FHOD3: variants seen among roughly 807,000 people sequenced by gnomAD.
FHOD3 encodes formin homology 2 domain containing 3.
In FHOD3, 90 loss-of-function variants were observed where a neutral mutation model predicts 173.0. That is an observed-to-expected ratio of 0.52 (90% CI 0.44 to 0.62). FHOD3 has a LOEUF of 0.62. FHOD3 is among the 20% of genes least tolerant of loss of function. The probability of loss-of-function intolerance (pLI) is 0.00; values close to 1 mark genes in which losing one functional copy is unlikely to be tolerated. For missense variants in FHOD3, 1,945 were observed against 2,034.7 expected (o/e 0.96, Z 0.85); for synonymous variants, 828 against 823.0 (o/e 1.01, Z -0.10).
chr18:36,678,548 A>G (rs2038021738), intron 14 of FHOD3, among the ~76,000 whole-genome samples: 1 of 133,088 alleles, frequency 7.5e-6, no homozygotes, highest in South Asian at 2.3e-4. Context: ...AAAAAAAAAA[A>G]GAAGAAAGAA....
intron 4 of FHOD3, among the ~76,000 whole-genome samples, chr18:36,503,490 C>T (rs1486798179): frequency 6.6e-6 from 1 of 152,192 alleles, no homozygotes; most frequent in Non-Finnish European, 1.5e-5. Flanking sequence ...TCACTGTGTT[C>T]AATCATACCA....
chr18:36,727,856 G>A (rs1029316752), intron 19 of FHOD3, among the ~76,000 whole-genome samples: 3 of 152,206 alleles, frequency 2.0e-5, no homozygotes, highest in Non-Finnish European at 4.4e-5. Flanking sequence ...ATGGCAAGGG[G>A]CTTCATTTTG....
At chr18:36,507,274 CTT>C (rs1203051125) in intron 4 of FHOD3, among the ~76,000 whole-genome samples, 1 of 152,218 alleles carries the variant, frequency 6.6e-6, no homozygotes, top group Non-Finnish European at 1.5e-5. Flanking sequence ...TTCACACAAA[CTT>C]TGTTTCTAGC....
chr18:36,719,748 AT>A (rs1302851994), intron 19 of FHOD3, among the ~76,000 whole-genome samples: 3 of 152,174 alleles, frequency 2.0e-5, no homozygotes, highest in African/African-American at 4.8e-5. Flanking sequence ...CCAATTCTGT[AT>A]CAAAATTACA....
chr18:36,612,758 G>A (rs1383688000), intron 9 of FHOD3, among the ~76,000 whole-genome samples: 1 of 152,220 alleles, frequency 6.6e-6, no homozygotes, highest in East Asian at 1.9e-4. Context: ...CTTGTAGGCA[G>A]AATCAGCCAA....
At chr18:36,603,170 A>G (rs1287884146) in intron 8 of FHOD3, among the ~76,000 whole-genome samples, 1 of 152,202 alleles carries the variant, frequency 6.6e-6, no homozygotes, top group African/African-American at 2.4e-5. Context: ...AGTTTCTGTT[A>G]TTTTAAGCCA....
intron 3 of FHOD3, among the ~76,000 whole-genome samples, chr18:36,471,194 A>G (rs1342117512): frequency 2.0e-5 from 3 of 152,190 alleles, no homozygotes; most frequent in African/African-American, 4.8e-5. Flanking sequence ...CACAAAGCAG[A>G]GGAGCATGAG....
intron 3 of FHOD3, among the ~76,000 whole-genome samples, chr18:36,418,765 A>T (rs1293213730): frequency 6.6e-6 from 1 of 152,060 alleles, no homozygotes; most frequent in African/African-American, 2.4e-5. Flanking sequence ...AATACAAAAA[A>T]TTAGCTGGGC....
intron 4 of FHOD3, among the ~76,000 whole-genome samples, chr18:36,502,498 G>A (rs1437641219): frequency 1.3e-5 from 2 of 152,114 alleles, no homozygotes; most frequent in South Asian, 4.1e-4. Flanking sequence ...AACATGTGGT[G>A]TTTGGTTTTC....
At chr18:36,649,580 T>C (rs191602310) in intron 11 of FHOD3, among the ~76,000 whole-genome samples, 175 bp downstream of exon 11, 1 of 152,320 alleles carries the variant, frequency 6.6e-6, no homozygotes, top group Admixed American at 6.5e-5. Context: ...TACCTGAGCA[T>C]GTTTTCATTA....
At chr18:36,524,271 G>A (rs1306172660) in intron 5 of FHOD3, among the ~76,000 whole-genome samples, 3 of 144,488 alleles carry the variant, frequency 2.1e-5, no homozygotes, top group African/African-American at 5.1e-5. Context: ...GACAGAGTGA[G>A]GCTCTACCTC....
chr18:36,673,394 A>C (rs2037656305), intron 14 of FHOD3, among the ~76,000 whole-genome samples: 1 of 152,238 alleles, frequency 6.6e-6, no homozygotes, highest in African/African-American at 2.4e-5. Context: ...TTCTTTCTGA[A>C]ACCAGCCCTT....
chr18:36,521,672 C>T (rs1002512480), intron 5 of FHOD3, among the ~76,000 whole-genome samples: 1 of 152,186 alleles, frequency 6.6e-6, no homozygotes, highest in African/African-American at 2.4e-5. Context: ...TGCTTTTAGT[C>T]CTGCCTCCCT....
Position 36,517,467 on chromosome 18 carries a change from A to T in FHOD3, c.511+4924A>T, listed in dbSNP as rs551051132. The stretch of plus-strand genomic sequence containing the variant: ...AATTGCATGTGTCTTGTATGTTTGG[A>T]AATTGCACATATGTACTGTGCTTTG... On this transcript the variant is annotated intron_variant, in intron 5 of 28. Transcript: ENST00000590592. Among the ~76,000 whole-genome samples, 8 of 152,242 alleles carry T rather than the reference A, an allele frequency of 5.3e-5. No individual in the cohort carries two copies. In the South Asian group the frequency reaches 1.7e-3, roughly 32 times the overall value.
Position 36,316,597 on chromosome 18 carries a change from G to T in FHOD3, c.165+18597G>T, listed in dbSNP as rs115516470. Among the ~76,000 whole-genome samples, 32 of 152,282 alleles carry T rather than the reference G, an allele frequency of 2.1e-4. 1 individual carries two copies. The highest frequency in any genetic ancestry group is 5.2e-4 in the Admixed American group (8 of 15,292). On this transcript the variant is annotated intron_variant, in intron 1 of 28. Coordinates refer to ENST00000590592, the MANE Select transcript of FHOD3 (RefSeq NM_001281740.3). Reference sequence around the variant, plus strand: ...TGTTATTAATGTTTTAGTAGTTTCCGATCAGTTTATTTAGGGCTCAGAGTA... The same window carrying T: ...TGTTATTAATGTTTTAGTAGTTTCCTATCAGTTTATTTAGGGCTCAGAGTA...
At chr18:36,434,383 T>C (rs944569802) in intron 3 of FHOD3, among the ~76,000 whole-genome samples, 1 of 152,222 alleles carries the variant, frequency 6.6e-6, no homozygotes, top group African/African-American at 2.4e-5. Flanking sequence ...TGTGTGGTTC[T>C]ACGAATGGAT....
intron 26 of FHOD3, 26 bp downstream of exon 26, chr18:36,759,167 A>T: frequency 6.5e-7 from 1 of 1,535,046 alleles, no homozygotes; most frequent in East Asian, 2.4e-5. Flanking sequence ...AACATGAAGA[A>T]TGCCACATTT....
intron 20 of FHOD3, among the ~76,000 whole-genome samples, chr18:36,740,103 A>AT (rs1246927353): frequency 1.3e-5 from 2 of 152,128 alleles, no homozygotes; most frequent in Non-Finnish European, 2.9e-5. Flanking sequence ...TCCACAATTG[A>AT]TTTTTACCAG....
chr18:36,579,448 G>T (rs981840687), intron 6 of FHOD3, among the ~76,000 whole-genome samples: 4 of 152,176 alleles, frequency 2.6e-5, no homozygotes, highest in Non-Finnish European at 5.9e-5. Flanking sequence ...ATGGGTATGG[G>T]GAAGAATCAC....
Sources: allele counts gnomAD v4.1 joint callset (sites outside exome capture counted in the v4.1 genomes callset), GRCh38; gene constraint gnomAD v4.1.1; transcripts MANE v1.5; gene names NCBI Gene and HGNC (gene_info 2026-07-23, HGNC 2026-07-21).